LPAR3: variants seen among roughly 807,000 people sequenced by gnomAD.
LPAR3 encodes the protein lysophosphatidic acid receptor 3, also known as LPA receptor 3.
A neutral mutation model predicts 17.8 loss-of-function variants in LPAR3; 7 were observed. That is an observed-to-expected ratio of 0.39 (90% CI 0.22 to 0.74). The LOEUF (loss-of-function observed/expected upper bound fraction) is 0.74. LPAR3 is among the 30% of genes least tolerant of loss of function. The pLI, the probability that LPAR3 is intolerant of heterozygous loss-of-function variation, is 0.40. For missense variants in LPAR3, 391 were observed against 453.4 expected (o/e 0.86, Z 1.25); for synonymous variants, 179 against 179.9 (o/e 0.99, Z 0.04).
At chr1:84,873,984 C>A (rs193152835) in intron 1 of LPAR3, among the ~76,000 whole-genome samples, 1 of 152,126 alleles carries the variant, frequency 6.6e-6, no homozygotes, top group African/African-American at 2.4e-5. Flanking sequence ...AACTCCTGAC[C>A]TCAAGTGATC....
chr1:84,840,946 T>C (rs960635339), intron 2 of LPAR3, among the ~76,000 whole-genome samples: 3 of 152,190 alleles, frequency 2.0e-5, no homozygotes, highest in Non-Finnish European at 4.4e-5. Flanking sequence ...CCAAAGAAGA[T>C]ACAGAAACAC....
intron 1 of LPAR3, among the ~76,000 whole-genome samples, chr1:84,881,798 A>G (rs1175723209): frequency 6.6e-6 from 1 of 152,188 alleles, no homozygotes; most frequent in African/African-American, 2.4e-5. Context: ...GCAGAAGAAC[A>G]CAGGATTTAG....
chr1:84,827,034 T>C (rs535231269), intron 2 of LPAR3, among the ~76,000 whole-genome samples: 2 of 152,316 alleles, frequency 1.3e-5, no homozygotes, highest in South Asian at 4.1e-4. Flanking sequence ...CAGTTTCACT[T>C]AATTTTATCT....
chr1:84,850,393 C>CAAAAAAAAAAAAAAA (rs561506398), intron 2 of LPAR3, among the ~76,000 whole-genome samples: 2 of 38,732 alleles, frequency 5.2e-5, no homozygotes, highest in African/African-American at 1.1e-4. Context: ...TCTGTCTCTA[C>CAAAAAAAAAAAAAAA]AAAAAAAAAA....
intron 2 of LPAR3, among the ~76,000 whole-genome samples, chr1:84,848,141 G>T (rs72718717): frequency 0.012 from 1,795 of 152,280 alleles, 15 homozygotes; most frequent in South Asian, 0.034. Flanking sequence ...CCTGGCCACA[G>T]CCTGCCAGTC....
chr1:84,859,139 G>A (rs1557601507), intron 2 of LPAR3, among the ~76,000 whole-genome samples: 1 of 152,108 alleles, frequency 6.6e-6, no homozygotes, highest in Non-Finnish European at 1.5e-5. Flanking sequence ...AGACCAAAGA[G>A]AACAGTGTAT....
At chr1:84,841,999 A>G (rs902003732) in intron 2 of LPAR3, among the ~76,000 whole-genome samples, 1 of 150,554 alleles carries the variant, frequency 6.6e-6, no homozygotes, top group African/African-American at 2.4e-5. Context: ...AGCAGGACAG[A>G]AAAAAAAAAG....
chr1:84,888,197 G>C (rs1310555232), intron 1 of LPAR3, among the ~76,000 whole-genome samples: 1 of 151,778 alleles, frequency 6.6e-6, no homozygotes, highest in Non-Finnish European at 1.5e-5. Context: ...GGCAGAGACA[G>C]AGAGAAGGAG....
chr1:84,861,625 T>G (rs1346310957), intron 2 of LPAR3, among the ~76,000 whole-genome samples: 1 of 152,190 alleles, frequency 6.6e-6, no homozygotes, highest in African/African-American at 2.4e-5. Context: ...ACCCAAATCT[T>G]TCTGTTATCT....
chr1:84,876,488 C>T (rs945288380), intron 1 of LPAR3, among the ~76,000 whole-genome samples: 1 of 152,062 alleles, frequency 6.6e-6, no homozygotes, highest in Non-Finnish European at 1.5e-5. Context: ...CTGGGTTAAC[C>T]ACTATCAGGC....
intron 2 of LPAR3, among the ~76,000 whole-genome samples, chr1:84,830,109 T>C (rs1373403256): frequency 6.6e-6 from 1 of 152,202 alleles, no homozygotes; most frequent in Non-Finnish European, 1.5e-5. Flanking sequence ...AAGGACCCTA[T>C]GCAATTCCCA....
intron 1 of LPAR3, among the ~76,000 whole-genome samples, chr1:84,892,381 G>C (rs544457747): frequency 1.3e-5 from 2 of 152,246 alleles, no homozygotes; most frequent in South Asian, 4.1e-4. Flanking sequence ...AAGCAATTTT[G>C]TGTAGCTGCA....
intron 1 of LPAR3, among the ~76,000 whole-genome samples, chr1:84,873,620 T>C (rs1360754576): frequency 6.6e-6 from 1 of 152,166 alleles, no homozygotes; most frequent in East Asian, 1.9e-4. Flanking sequence ...TTGTTAAGGG[T>C]AGGGTTACAA....
At position 84,855,940 on chromosome 1, in the gene LPAR3, G is replaced by A. The variant is rs541795816; in HGVS notation, c.736+9445C>T. ...GGCATTTGAACAAGTGGGATGGAGTGCCATATGAGGGATTTTCTTTTTTAA... is the reference window on the plus strand; with the variant it reads ...GGCATTTGAACAAGTGGGATGGAGTACCATATGAGGGATTTTCTTTTTTAA... On this transcript the variant is annotated intron_variant, in intron 2 of 2. Coordinates refer to ENST00000370611, the MANE Select transcript of LPAR3 (RefSeq NM_012152.3). Among the ~76,000 whole-genome samples, 14 of 152,320 alleles carry A rather than the reference G, an allele frequency of 9.2e-5. No homozygotes were observed. In the South Asian group the frequency reaches 2.7e-3, roughly 29 times the overall value.
Position 84,814,103 on chromosome 1 carries a change from A to G in LPAR3, c.805T>C (p.Cys269Arg). 1 of 1,614,152 alleles carries G rather than the reference A, an allele frequency of 6.2e-7. No homozygotes were observed. Among genetic ancestry groups the G allele is most frequent in the Non-Finnish European group, 8.5e-7 (1 of 1,180,036 alleles). Residue 269 changes from cysteine to arginine, a missense_variant, in exon 3 of 3, where the codon TGT (cysteine) becomes CGT (arginine). Coordinates refer to ENST00000370611, the MANE Select transcript of LPAR3 (RefSeq NM_012152.3). ...LLLDGLNCRQ[C>R]GVQHVKRWFL... Reference sequence around the variant, plus strand: ...CACCTTTTCACATGCTGCACGCCACACTGCCTGCAGTTCAGGCCGTCGAGG... The same window carrying G: ...CACCTTTTCACATGCTGCACGCCACGCTGCCTGCAGTTCAGGCCGTCGAGG...
chr1:84,862,234 C>T (rs1040449924), intron 2 of LPAR3, among the ~76,000 whole-genome samples: 13 of 152,194 alleles, frequency 8.5e-5, no homozygotes, highest in African/African-American at 2.4e-4. Context: ...TTCTCCAGCT[C>T]GAGGGGAAAT....
At chr1:84,888,526 G>A (rs1050192202) in intron 1 of LPAR3, among the ~76,000 whole-genome samples, 10 of 152,158 alleles carry the variant, frequency 6.6e-5, no homozygotes, top group Non-Finnish European at 1.3e-4. Context: ...GATAGACTCC[G>A]CTGCCTATCT....
intron 2 of LPAR3, among the ~76,000 whole-genome samples, chr1:84,840,631 A>C (rs1659488644): frequency 6.6e-6 from 1 of 152,228 alleles, no homozygotes; most frequent in Non-Finnish European, 1.5e-5. Context: ...GATTTTGAGA[A>C]TGTTTAGGAC....
chr1:84,818,533 G>T (rs776575011), intron 2 of LPAR3, among the ~76,000 whole-genome samples: 2 of 152,104 alleles, frequency 1.3e-5, no homozygotes, highest in African/African-American at 2.4e-5. Context: ...TGCCAGGGGG[G>T]TGTATTATAT....
Sources: gnomAD v4.1 joint callset for allele counts (sites outside exome capture counted in the v4.1 genomes callset) on GRCh38, gnomAD v4.1.1 for gene constraint, MANE v1.5 for transcripts, NCBI Gene and HGNC (gene_info 2026-07-23, HGNC 2026-07-21) for gene names.